Variants in PDE10A observed in about 807,000 individuals in gnomAD.
The protein encoded by PDE10A is phosphodiesterase 10A.
In PDE10A, 39 loss-of-function variants were observed where a neutral mutation model predicts 97.7. That is an observed-to-expected ratio of 0.40 (90% CI 0.31 to 0.52). PDE10A has a LOEUF of 0.52. Among genes scored for constraint, PDE10A ranks in the 20% least tolerant of loss-of-function variants. The pLI, the probability that PDE10A is intolerant of heterozygous loss-of-function variation, is 0.56. For synonymous variants in PDE10A, 371 were observed against 376.8 expected (o/e 0.98, Z 0.18); for missense variants, 731 against 1,047.8 (o/e 0.70, Z 4.17).
intron 1 of PDE10A, among the ~76,000 whole-genome samples, chr6:165,821,094 C>T (rs976540005): frequency 6.6e-6 from 1 of 152,184 alleles, no homozygotes; most frequent in Non-Finnish European, 1.5e-5. Flanking sequence ...TGGCTGCCCA[C>T]AGCTAATACT....
At chr6:165,755,338 T>G (rs1793093694) in intron 1 of PDE10A, among the ~76,000 whole-genome samples, 1 of 152,144 alleles carries the variant, frequency 6.6e-6, no homozygotes, top group African/African-American at 2.4e-5. Context: ...TTGCGCGTTT[T>G]CAGTGTTAAA....
At chr6:165,872,767 G>A (rs548278812) in intron 1 of PDE10A, among the ~76,000 whole-genome samples, 24 of 152,272 alleles carry the variant, frequency 1.6e-4, no homozygotes, top group Non-Finnish European at 3.1e-4. Context: ...ACTCAAAGCA[G>A]CCCTTTGCTG....
intron 5 of PDE10A, 113 bp from the exon 6 acceptor site, chr6:165,435,490 T>A (rs1479681182): frequency 3.4e-6 from 3 of 882,458 alleles, no homozygotes; most frequent in Non-Finnish European, 4.8e-6. Context: ...AAAAGAAGAG[T>A]CATAAAATGA....
At chr6:165,685,929 A>G (rs6916862) in intron 1 of PDE10A, among the ~76,000 whole-genome samples, 131,304 of 152,152 alleles carry the variant, frequency 0.86, 56,823 homozygotes, top group East Asian at 0.89. Flanking sequence ...TTGTATGGAC[A>G]AGTGGTAACA....
chr6:165,890,678 A>G (rs755458238), intron 1 of PDE10A, among the ~76,000 whole-genome samples: 2 of 152,182 alleles, frequency 1.3e-5, no homozygotes, highest in Non-Finnish European at 2.9e-5. Context: ...GAGAAATCAC[A>G]GCGTTAGAAA....
At chr6:165,879,925 G>A (rs563374959) in intron 1 of PDE10A, among the ~76,000 whole-genome samples, 226 of 9,094 alleles carry the variant, frequency 0.025, no homozygotes, top group Admixed American at 0.076. Flanking sequence ...TGAATTCTCG[G>A]GGGGGGACAC....
At chr6:165,959,013 C>T (rs1284808224) in intron 1 of PDE10A, among the ~76,000 whole-genome samples, 3 of 152,192 alleles carry the variant, frequency 2.0e-5, no homozygotes, top group Non-Finnish European at 4.4e-5. Flanking sequence ...ACAGCTTCAG[C>T]GTCAGGATCC....
rs1790279086 is a variant in PDE10A at position 165,661,800 on chromosome 6, C to T, written c.865+147G>A. ...CCGCCAGGGGCACCGGCTCCTGCCC[C>T]TCCAGAGAAGCCCCCTGGGCGCTCC... On this transcript the variant is annotated intron_variant, in intron 1 of 21. Coordinates refer to ENST00000539869, the MANE Select transcript of PDE10A (RefSeq NM_001385079.1). This position sits in a 1 kb window ranked among gnomAD's most constrained non-coding sequence, Gnocchi z 4.8. The T allele has an allele frequency of 2.0e-6, 1 of 497,538 alleles. No individual in the cohort carries two copies. Among genetic ancestry groups the T allele is most frequent in the African/African-American group, 2.1e-5 (1 of 48,108 alleles). 30.8% of individuals were successfully genotyped at this position (497,538 alleles called of 1,614,324 possible).
chr6:165,560,002 C>T (rs1179455596), intron 1 of PDE10A, among the ~76,000 whole-genome samples: 1 of 152,076 alleles, frequency 6.6e-6, no homozygotes, highest in Non-Finnish European at 1.5e-5. Context: ...AGTGTGAAAA[C>T]GAATTAATAC....
chr6:165,849,891 A>G (rs9348049), intron 1 of PDE10A, among the ~76,000 whole-genome samples: 86,913 of 152,060 alleles, frequency 0.57, 25,048 homozygotes, highest in Admixed American at 0.67. Flanking sequence ...AATCTCTGCA[A>G]CTCAATAAGC....
chr6:165,329,767 T>C lies in PDE10A; in HGVS notation c.*3258A>G, dbSNP rs1583045607. On this transcript the variant is annotated 3_prime_UTR_variant, in exon 22 of 22. Coordinates refer to ENST00000539869, the MANE Select transcript of PDE10A (RefSeq NM_001385079.1). ...TTGCTTTTGTTGTGGTGAGAACGAG[T>C]CACCTGGGGCACCACTGTAAACATC... 6.6e-6 allele frequency: 1 copy of C among 152,148 alleles called. No homozygotes were observed. The highest frequency in any genetic ancestry group is 1.5e-5 in the Non-Finnish European group (1 of 68,022). 9.4% of individuals were successfully genotyped at this position (152,148 alleles called of 1,614,324 possible). A position where few individuals can be genotyped will look rare whatever the true frequency, so the allele number is the denominator to read the frequency against.
At chr6:165,548,272 ATC>A (rs1783832724) in intron 1 of PDE10A, among the ~76,000 whole-genome samples, 1 of 143,072 alleles carries the variant, frequency 7.0e-6, no homozygotes, top group African/African-American at 2.7e-5. Flanking sequence ...CAGGCTTTAA[ATC>A]TCTTTTTTTT....
intron 1 of PDE10A, among the ~76,000 whole-genome samples, chr6:165,588,348 T>C (rs1786048535): frequency 7.4e-6 from 1 of 135,834 alleles, no homozygotes; most frequent in Admixed American, 8.9e-5. Flanking sequence ...TGGAGTGCAA[T>C]GGCATGATCT....
chr6:165,607,597 A>C (rs1217063562), intron 1 of PDE10A, among the ~76,000 whole-genome samples: 3 of 152,172 alleles, frequency 2.0e-5, no homozygotes, highest in African/African-American at 7.2e-5. Context: ...ATGTCTCAGA[A>C]GGTATCCCTA....
At chr6:165,444,674 A>AACT (rs757678498) in intron 5 of PDE10A, among the ~76,000 whole-genome samples, 61 of 151,834 alleles carry the variant, frequency 4.0e-4, no homozygotes, top group Middle Eastern at 7.4e-3. Context: ...GCTTTTTAGT[A>AACT]TTTAGTTTTG....
intron 1 of PDE10A, among the ~76,000 whole-genome samples, chr6:165,806,042 T>TAAA (rs67104260): frequency 0.016 from 1,154 of 73,112 alleles, 51 homozygotes; most frequent in African/African-American, 0.039. Context: ...GCTTGATTAT[T>TAAA]AAAAAAAAAA....
At chr6:165,695,061 A>C (rs1179557030) in intron 1 of PDE10A, among the ~76,000 whole-genome samples, 1 of 152,196 alleles carries the variant, frequency 6.6e-6, no homozygotes, top group East Asian at 1.9e-4. Context: ...GGAAGTAAAC[A>C]ATTTTCTATA....
intron 20 of PDE10A, among the ~76,000 whole-genome samples, chr6:165,336,611 C>T (rs1050264990): frequency 7.9e-5 from 12 of 151,610 alleles, no homozygotes; most frequent in Non-Finnish European, 1.5e-4. Context: ...TAGCTGGGCG[C>T]GGTGGCAGGC....
intron 1 of PDE10A, among the ~76,000 whole-genome samples, chr6:165,548,392 T>G (rs1783845850): frequency 6.6e-6 from 1 of 151,790 alleles, no homozygotes; most frequent in Non-Finnish European, 1.5e-5. Flanking sequence ...TTAGGTCTCT[T>G]TGGTCCAATA....
Sources: allele counts gnomAD v4.1 joint callset (sites outside exome capture counted in the v4.1 genomes callset), GRCh38; gene constraint gnomAD v4.1.1; non-coding constraint Gnocchi (gnomAD v3.1); transcripts MANE v1.5; gene names NCBI Gene and HGNC (gene_info 2026-07-23, HGNC 2026-07-21).